The following ADORA2B variants were observed in gnomAD, a reference collection of about 807,000 sequenced individuals.
The protein encoded by ADORA2B is adenosine receptor A2b.
ADORA2B carries 18 observed loss-of-function variants against 20.8 expected under a neutral mutation model. That is an observed-to-expected ratio of 0.87 (90% CI 0.60 to 1.29). The LOEUF is 1.29. Among genes scored for constraint, ADORA2B ranks in the 50% most tolerant of loss-of-function variants. The pLI is 0.00. For synonymous variants in ADORA2B, 179 were observed against 178.3 expected (o/e 1.00, Z -0.03); for missense variants, 441 against 422.7 (o/e 1.04, Z -0.38).
chr17:15,957,600 G>A (rs974726953), intron 1 of ADORA2B, among the ~76,000 whole-genome samples: 21 of 152,242 alleles, frequency 1.4e-4, no homozygotes, highest in African/African-American at 3.9e-4. Context: ...GGAAGGTGTT[G>A]CCTAGGTTGT....
At chr17:15,944,054 C>G (rs779945340), upstream of ADORA2B, among the ~76,000 whole-genome samples, 1 of 152,080 alleles carries the variant, frequency 6.6e-6, no homozygotes, top group African/African-American at 2.4e-5. This position sits in a 1 kb window ranked among gnomAD's most constrained non-coding sequence, Gnocchi z 4.8. Flanking sequence ...TAAAAGGAAG[C>G]AAGTCTCTGG....
the ADORA2B span, chr17:15,861,043 A>G: frequency 2.0e-5 from 3 of 152,346 alleles, no homozygotes; most frequent in Admixed American, 6.5e-5. Context: ...AGAAAAACAT[A>G]GGGCTGATCA....
At chr17:15,960,930 G>A (rs1970028827) in intron 1 of ADORA2B, among the ~76,000 whole-genome samples, 2 of 149,968 alleles carry the variant, frequency 1.3e-5, no homozygotes, top group Admixed American at 6.7e-5. Flanking sequence ...CACTTTGGGA[G>A]GCCGAGGCGG....
At chr17:15,933,689 T>C in the ADORA2B span, among the ~76,000 whole-genome samples, 2 of 152,190 alleles carry the variant, frequency 1.3e-5, no homozygotes, top group African/African-American at 4.8e-5. Flanking sequence ...TTATTTGTTC[T>C]AAAAGGTTTT....
chr17:15,930,143 G>C, the ADORA2B span, among the ~76,000 whole-genome samples: 1 of 152,194 alleles, frequency 6.6e-6, no homozygotes, highest in Non-Finnish European at 1.5e-5. Flanking sequence ...GGCAGAGGAA[G>C]AATCGGGGCT....
the ADORA2B span, among the ~76,000 whole-genome samples, chr17:15,906,266 A>G: frequency 6.6e-6 from 1 of 152,246 alleles, no homozygotes; most frequent in Non-Finnish European, 1.5e-5. Flanking sequence ...ATCCTTTATT[A>G]GGCAAAAGAA....
At chr17:15,943,220 C>A (rs546078155), upstream of ADORA2B, among the ~76,000 whole-genome samples, 1 of 152,224 alleles carries the variant, frequency 6.6e-6, no homozygotes, top group African/African-American at 2.4e-5. Context: ...TCATCCCACC[C>A]AGCTAGGAGG....
chr17:15,895,127 A>T, the ADORA2B span, among the ~76,000 whole-genome samples: 1 of 152,130 alleles, frequency 6.6e-6, no homozygotes, highest in Admixed American at 6.6e-5. Context: ...TTAGATGAGG[A>T]CCATCCACAT....
the ADORA2B span, among the ~76,000 whole-genome samples, chr17:15,919,739 A>C: frequency 0.084 from 12,834 of 152,084 alleles, 1,524 homozygotes; most frequent in African/African-American, 0.26. Flanking sequence ...GTGGGAAGGG[A>C]AGGGAAGGGA....
At chr17:15,907,215 GT>G in the ADORA2B span, among the ~76,000 whole-genome samples, 6,367 of 147,106 alleles carry the variant, frequency 0.043, 437 homozygotes, top group African/African-American at 0.15. Flanking sequence ...CTGTGAAAGT[GT>G]TTTTTTTTTT....
chr17:15,860,421 G>A, the ADORA2B span, among the ~76,000 whole-genome samples: 5 of 150,814 alleles, frequency 3.3e-5, no homozygotes, highest in Middle Eastern at 3.4e-3. Context: ...CTTGCCTGCC[G>A]CTGCCTGTGA....
chr17:15,939,380 C>G, the ADORA2B span, among the ~76,000 whole-genome samples: 1 of 152,154 alleles, frequency 6.6e-6, no homozygotes, highest in Non-Finnish European at 1.5e-5. Flanking sequence ...CCTCCTGGAG[C>G]CTTCTGTCTT....
chr17:15,935,866 C>CTT, the ADORA2B span, among the ~76,000 whole-genome samples: 4,703 of 130,062 alleles, frequency 0.036, 361 homozygotes, highest in African/African-American at 0.13. Flanking sequence ...TGTTATTGTA[C>CTT]TTTTTTTTTT....
chr17:15,959,935 T>C (rs959460539), intron 1 of ADORA2B, among the ~76,000 whole-genome samples: 3 of 152,246 alleles, frequency 2.0e-5, no homozygotes, highest in African/African-American at 7.2e-5. Flanking sequence ...AATATGTTCC[T>C]TTAATCTGAA....
the ADORA2B span, among the ~76,000 whole-genome samples, chr17:15,876,706 A>G: frequency 1.3e-5 from 2 of 151,712 alleles, no homozygotes; most frequent in African/African-American, 4.8e-5. Flanking sequence ...TAAATGCTTC[A>G]TTTCTGCTAT....
At chr17:15,870,816 C>G in the ADORA2B span, among the ~76,000 whole-genome samples, 1 of 152,158 alleles carries the variant, frequency 6.6e-6, no homozygotes. Context: ...AACATAAATC[C>G]TTTGACTTAT....
chr17:15,924,265 T>C, the ADORA2B span, among the ~76,000 whole-genome samples: 1 of 151,988 alleles, frequency 6.6e-6, no homozygotes, highest in African/African-American at 2.4e-5. Context: ...CATTCCAAGG[T>C]TATAAAGGTG....
the ADORA2B span, among the ~76,000 whole-genome samples, chr17:15,862,185 T>C: frequency 6.6e-6 from 1 of 150,686 alleles, no homozygotes; most frequent in Non-Finnish European, 1.5e-5. Flanking sequence ...CTCCCTTTTT[T>C]TTTTCTTTTT....
chr17:15,897,582 A>C, the ADORA2B span, among the ~76,000 whole-genome samples: 11 of 151,048 alleles, frequency 7.3e-5, no homozygotes, highest in Non-Finnish European at 1.2e-4. Context: ...ACAAAACAAA[A>C]CCCCCCCACA....
Sources: allele counts gnomAD v4.1 joint callset (sites outside exome capture counted in the v4.1 genomes callset), GRCh38; gene constraint gnomAD v4.1.1; non-coding constraint Gnocchi (gnomAD v3.1); transcripts MANE v1.5; gene names NCBI Gene and HGNC (gene_info 2026-07-23, HGNC 2026-07-21).